ME1: variants seen among roughly 807,000 people sequenced by gnomAD.
ME1 encodes the protein NADP-dependent malic enzyme.
Under a neutral mutation model 66.4 loss-of-function variants are expected in ME1, and 74 were observed. The observed-to-expected ratio is 1.11, with a 90% CI of 0.92 to 1.35. ME1 has a LOEUF of 1.35. Among genes scored for constraint, ME1 ranks in the 40% most tolerant of loss-of-function variants. ME1 has a pLI of 0.00. For synonymous variants in ME1, 251 were observed against 235.6 expected, an observed-to-expected ratio of 1.07 and a Z score of -0.60; for missense variants, 750 against 694.1, an observed-to-expected ratio of 1.08 and a Z score of -0.90.
chr6:83,326,964 G>A (rs985639876), intron 5 of ME1, among the ~76,000 whole-genome samples: 5 of 152,312 alleles, frequency 3.3e-5, no homozygotes, highest in Admixed American at 6.5e-5. Context: ...ACAGAAGAAC[G>A]TGGATTGTGA....
chr6:83,269,837 G>A (rs1767054284), intron 6 of ME1, among the ~76,000 whole-genome samples: 1 of 152,092 alleles, frequency 6.6e-6, no homozygotes, highest in Admixed American at 6.6e-5. Context: ...AAACTAGGAG[G>A]CTGTCCAAAT....
chr6:83,317,187 T>C (rs1010482710), intron 5 of ME1, among the ~76,000 whole-genome samples: 1 of 152,166 alleles, frequency 6.6e-6, no homozygotes, highest in African/African-American at 2.4e-5. Flanking sequence ...AAGATGTGCA[T>C]AGCAAAATAA....
chr6:83,321,138 T>C (rs1317939205), intron 5 of ME1, among the ~76,000 whole-genome samples: 1 of 152,154 alleles, frequency 6.6e-6, no homozygotes, highest in African/African-American at 2.4e-5. Context: ...ACAACACTTT[T>C]CCCCATGGTC....
chr6:83,355,728 C>T (rs564776616), intron 3 of ME1, among the ~76,000 whole-genome samples: 2 of 152,148 alleles, frequency 1.3e-5, no homozygotes, highest in Middle Eastern at 3.4e-3. Context: ...ATGACTCATA[C>T]TTTCTGGTAC....
At chr6:83,341,690 A>G (rs1768588629) in intron 5 of ME1, among the ~76,000 whole-genome samples, 1 of 152,198 alleles carries the variant, frequency 6.6e-6, no homozygotes, top group Admixed American at 6.5e-5. Context: ...ATGAGGCAGG[A>G]GAATAGGGTC....
intron 1 of ME1, among the ~76,000 whole-genome samples, chr6:83,414,046 G>T (rs537865889): frequency 7.7e-4 from 116 of 150,532 alleles, no homozygotes; most frequent in Non-Finnish European, 1.4e-3. Flanking sequence ...GGGAGGTTAA[G>T]GTTGCAATGA....
intron 6 of ME1, among the ~76,000 whole-genome samples, chr6:83,298,952 T>G (rs902770237): frequency 7.0e-4 from 93 of 133,574 alleles, no homozygotes; most frequent in African/African-American, 2.5e-3. Context: ...TTTTTTTTTT[T>G]TTTTTTTTTT....
chr6:83,300,163 TAA>T (rs1441983890), intron 6 of ME1, among the ~76,000 whole-genome samples: 2 of 152,108 alleles, frequency 1.3e-5, no homozygotes, highest in Non-Finnish European at 2.9e-5. Flanking sequence ...CCCTATTCAA[TAA>T]ATGGTGCTGG....
chr6:83,249,814 A>G (rs1291850439), intron 7 of ME1, among the ~76,000 whole-genome samples: 1 of 151,954 alleles, frequency 6.6e-6, no homozygotes, highest in African/African-American at 2.4e-5. Context: ...CTCTAATTCA[A>G]TCATCCTTAT....
intron 5 of ME1, among the ~76,000 whole-genome samples, chr6:83,329,087 A>G (rs970660359): frequency 6.6e-6 from 1 of 152,148 alleles, no homozygotes; most frequent in Admixed American, 6.6e-5. Flanking sequence ...TTCTATCTTT[A>G]CAATCTGACG....
chr6:83,245,698 G>A (rs1188863115), intron 7 of ME1, among the ~76,000 whole-genome samples: 9 of 152,138 alleles, frequency 5.9e-5, no homozygotes, highest in East Asian at 1.9e-4. Context: ...GTGAGCCACC[G>A]TGCCTGGCCG....
At chr6:83,425,912 G>C (rs1770362205) in intron 1 of ME1, among the ~76,000 whole-genome samples, 1 of 113,574 alleles carries the variant, frequency 8.8e-6, no homozygotes, top group African/African-American at 4.8e-5. Context: ...AAGTCCATGT[G>C]TTGTTAATCC....
At position 83,315,413 on chromosome 6, in the gene ME1, C is replaced by T. The variant is rs772444956; in HGVS notation, c.601G>A (p.Glu201Lys). 1.9e-6 allele frequency: 3 copies of T among 1,541,924 alleles called. No individual in the cohort carries two copies. Among genetic ancestry groups the T allele is most frequent in the South Asian group, 2.4e-5 (2 of 84,760 alleles). The change falls in exon 6 of 14, where the codon GAG (glutamate) becomes AAG (lysine). Residue 201 changes from glutamate to lysine, a missense_variant and splice_region_variant. Physicochemically the swap from Glu to Lys is moderately conservative, Grantham distance 56. Transcript: ENST00000369705. The part of the protein sequence containing the change: ...VILDVGTENE[E>K]LLKDPLYIGL... Reference sequence around the variant, plus strand: ...ATGTAGAGTGGATCTTTAAGTAACTCCTATTAAAAAAAGTTACCATAAAAA... The same window carrying T: ...ATGTAGAGTGGATCTTTAAGTAACTTCTATTAAAAAAAGTTACCATAAAAA...
intron 5 of ME1, among the ~76,000 whole-genome samples, chr6:83,321,482 TACTG>T (rs573137826): frequency 6.6e-6 from 1 of 152,038 alleles, no homozygotes; most frequent in Non-Finnish European, 1.5e-5. Context: ...TGTCCATCAT[TACTG>T]AGGCTCGAGT....
In ME1 at chr6:83,398,431, T is replaced by C. The variant is rs1223922479; in HGVS notation, c.298A>G (p.Ile100Val). The change falls in exon 3 of 14, where the codon ATT (isoleucine) becomes GTT (valine). Residue 100 changes from isoleucine to valine, a missense_variant. By Grantham distance (29) the Ile-to-Val change is conservative (BLOSUM62 3). Transcript: ENST00000369705. ...AGACCCACAGTGGGAGTATAAACAATAGGCATGAATTTCTCAATGTCAGAT... is the reference window on the plus strand; with the variant it reads ...AGACCCACAGTGGGAGTATAAACAACAGGCATGAATTTCTCAATGTCAGAT... Reference protein sequence around the residue: ...LTSDIEKFMPIVYTPTVGLAC... With the variant: ...LTSDIEKFMPVVYTPTVGLAC... The C allele has an allele frequency of 1.9e-6, 3 of 1,603,682 alleles. No homozygotes were observed. The highest frequency in any genetic ancestry group is 1.1e-5 in the South Asian group (1 of 89,350).
At chr6:83,385,124 T>G (rs1769482313) in intron 3 of ME1, among the ~76,000 whole-genome samples, 1 of 151,954 alleles carries the variant, frequency 6.6e-6, no homozygotes, top group African/African-American at 2.4e-5. Flanking sequence ...TCAGTAACTG[T>G]CACTGTTATT....
intron 5 of ME1, among the ~76,000 whole-genome samples, chr6:83,321,799 T>A (rs925528813): frequency 6.6e-6 from 1 of 152,242 alleles, no homozygotes; most frequent in South Asian, 2.1e-4. Context: ...ATTTGAGCTC[T>A]GCTAAGAAAC....
chr6:83,356,553 A>G (rs375520761), intron 3 of ME1, among the ~76,000 whole-genome samples: 2 of 152,294 alleles, frequency 1.3e-5, no homozygotes, highest in Non-Finnish European at 1.5e-5. Context: ...AACATTACAA[A>G]TTAGTACCCA....
At chr6:83,236,443 T>C (rs1273220235) in intron 9 of ME1, among the ~76,000 whole-genome samples, 1 of 152,198 alleles carries the variant, frequency 6.6e-6, no homozygotes, top group Non-Finnish European at 1.5e-5. Flanking sequence ...CTATACTAAA[T>C]TCCGGAAGAC....
Sources: allele counts gnomAD v4.1 joint callset (sites outside exome capture counted in the v4.1 genomes callset), GRCh38; gene constraint gnomAD v4.1.1; transcripts MANE v1.5; gene names NCBI Gene and HGNC (gene_info 2026-07-23, HGNC 2026-07-21).